ZNRF1: variants seen among roughly 807,000 people sequenced by gnomAD.
ZNRF1 encodes the protein zinc and ring finger 1.
A neutral mutation model predicts 18.4 loss-of-function variants in ZNRF1; 3 were observed. That is an observed-to-expected ratio of 0.16 (90% CI 0.07 to 0.42). The LOEUF is 0.42. ZNRF1 is among the 10% of genes least tolerant of loss of function. The pLI, the probability that ZNRF1 is intolerant of heterozygous loss-of-function variation, is 0.99. For missense variants in ZNRF1, 310 were observed against 329.8 expected (o/e 0.94, Z 0.47); for synonymous variants, 157 against 144.2 (o/e 1.09, Z -0.64).
chr16:75,028,035 A>T (rs2035250060), intron 1 of ZNRF1, among the ~76,000 whole-genome samples: 1 of 152,092 alleles, frequency 6.6e-6, no homozygotes, highest in Admixed American at 6.6e-5. Flanking sequence ...CTTTCCTGTA[A>T]CTAGGTATGA....
intron 1 of ZNRF1, among the ~76,000 whole-genome samples, chr16:75,060,959 G>A (rs982161798): frequency 6.6e-6 from 1 of 151,966 alleles, no homozygotes; most frequent in Admixed American, 6.6e-5. Flanking sequence ...TCCCCTTCAG[G>A]GGACACTAAC....
chr16:75,106,657 C>A, intron 4 of ZNRF1, 86 bp downstream of exon 4: 2 of 1,029,476 alleles, frequency 1.9e-6, no homozygotes, highest in South Asian at 1.3e-5. Context: ...CCGGGCTGCC[C>A]TTATGCCACT....
chr16:75,104,833 G>A lies in ZNRF1; in HGVS notation c.570G>A (p.Glu190=). The A allele has an allele frequency of 6.2e-7, 1 of 1,611,242 alleles. No individual in the cohort carries two copies. Among genetic ancestry groups the A allele is most frequent in the East Asian group, 2.2e-5 (1 of 44,836 alleles). ...GTGAGTGTGTGATCTGCCTGGAGGA[G>A]CTGCTGCAGGGGGACACGATAGCCA... The part of the protein sequence containing the change: ...DAGECVICLE[E]LLQGDTIARL... Residue 190 remains glutamate (E), a synonymous_variant, in exon 3 of 5, where the codon GAG becomes GAA. Transcript: ENST00000335325.
chr16:75,054,439 A>G (rs542495741), intron 1 of ZNRF1, among the ~76,000 whole-genome samples: 2 of 152,326 alleles, frequency 1.3e-5, no homozygotes, highest in South Asian at 4.1e-4. Context: ...CTCAAGGGAC[A>G]AGCCAGGCAC....
At chr16:75,094,149 C>T (rs976670645) in intron 2 of ZNRF1, among the ~76,000 whole-genome samples, 3 of 152,132 alleles carry the variant, frequency 2.0e-5, no homozygotes, top group Non-Finnish European at 2.9e-5. Context: ...CGTTCGAACT[C>T]GGACGAACAC....
intron 1 of ZNRF1, among the ~76,000 whole-genome samples, chr16:75,049,587 C>T (rs746636471): frequency 1.2e-4 from 18 of 152,040 alleles, no homozygotes; most frequent in African/African-American, 3.9e-4. Flanking sequence ...ACTTGAGCTC[C>T]GGAGTTAGAG....
At chr16:75,059,180 TTTTTC>T (rs147345228) in intron 1 of ZNRF1, among the ~76,000 whole-genome samples, 5,970 of 151,232 alleles carry the variant, frequency 0.039, 162 homozygotes, top group Non-Finnish European at 0.048. Context: ...TGGATTTTCT[TTTTTC>T]TTTTCTTTTC....
intron 1 of ZNRF1, among the ~76,000 whole-genome samples, chr16:75,027,006 GA>G (rs1464127081): frequency 7.2e-5 from 11 of 152,122 alleles, no homozygotes; most frequent in African/African-American, 2.7e-4. Flanking sequence ...TTCAATTATT[GA>G]ATCCTCACCC....
At chr16:75,101,231 G>T (rs189070232) in intron 2 of ZNRF1, among the ~76,000 whole-genome samples, 49 of 152,358 alleles carry the variant, frequency 3.2e-4, no homozygotes, top group Non-Finnish European at 1.5e-5. Flanking sequence ...ACTGCACCCA[G>T]TGTACGGCAA....
chr16:75,002,886 A>G (rs1015631483), intron 1 of ZNRF1, among the ~76,000 whole-genome samples: 1 of 152,162 alleles, frequency 6.6e-6, no homozygotes, highest in Non-Finnish European at 1.5e-5. Context: ...CTGATCCCTT[A>G]GGGCTTAGAG....
chr16:75,006,456 G>C (rs2034918546), intron 1 of ZNRF1, among the ~76,000 whole-genome samples: 1 of 152,054 alleles, frequency 6.6e-6, no homozygotes, highest in Non-Finnish European at 1.5e-5. Context: ...TGTTTATTGA[G>C]ACAGAGTCTC....
At chr16:75,082,988 GT>G (rs1260351415) in intron 1 of ZNRF1, among the ~76,000 whole-genome samples, 2 of 152,196 alleles carry the variant, frequency 1.3e-5, no homozygotes, top group African/African-American at 4.8e-5. Context: ...AAATCGAGAT[GT>G]GCTATATAAT....
chr16:75,009,365 A>G (rs1051735986), intron 1 of ZNRF1, among the ~76,000 whole-genome samples: 3 of 152,198 alleles, frequency 2.0e-5, no homozygotes, highest in Admixed American at 1.3e-4. Flanking sequence ...ACTGCATGTA[A>G]GTGGACTCGT....
chr16:75,005,140 G>T (rs1287716530), intron 1 of ZNRF1, among the ~76,000 whole-genome samples: 1 of 152,170 alleles, frequency 6.6e-6, no homozygotes, highest in Non-Finnish European at 1.5e-5. Flanking sequence ...AAAGCATTCT[G>T]TGGTCTCCAA....
At chr16:75,002,034 A>T (rs570242595) in intron 1 of ZNRF1, among the ~76,000 whole-genome samples, 1 of 152,126 alleles carries the variant, frequency 6.6e-6, no homozygotes, top group Non-Finnish European at 1.5e-5. Context: ...ACTGTGTAGG[A>T]CCATCATGTC....
At chr16:75,028,680 C>T (rs1390635399) in intron 1 of ZNRF1, among the ~76,000 whole-genome samples, 1 of 152,230 alleles carries the variant, frequency 6.6e-6, no homozygotes, top group Non-Finnish European at 1.5e-5. Context: ...TCCTTGAATC[C>T]ACTCCACTCA....
chr16:75,015,622 T>G (rs1250319476), intron 1 of ZNRF1, among the ~76,000 whole-genome samples: 4 of 152,126 alleles, frequency 2.6e-5, no homozygotes. Context: ...CTCACTCTGT[T>G]GCCCAGGCTG....
rs1306544577 is a variant in ZNRF1 at position 75,110,225 on chromosome 16, TGTG to T, written c.*2527_*2529del. 4 of 152,444 alleles carry T rather than the reference TGTG, an allele frequency of 2.6e-5. No homozygotes were observed. The highest frequency in any genetic ancestry group is 9.6e-5 in the African/African-American group (4 of 41,472). The allele number at this position is 152,444 out of a possible 1,614,324, so 9.4% of individuals were successfully genotyped here. ...TTGGACCCAGGTTGCCTGCTCTTGT[TGTG>T]GGGGTGGGATTGGGGCTGTCTGTGT... is the stretch of plus-strand genomic sequence containing the variant. On this transcript the variant is annotated 3_prime_UTR_variant, in exon 5 of 5. Transcript: ENST00000335325.
At chr16:75,095,783 G>A in intron 2 of ZNRF1, 2 of 1,474,762 alleles carry the variant, frequency 1.4e-6, no homozygotes, top group South Asian at 1.3e-5. Context: ...CCAGAGAACT[G>A]CCTGGGACGC....
Sources: gnomAD v4.1 joint callset for allele counts (sites outside exome capture counted in the v4.1 genomes callset) on GRCh38, gnomAD v4.1.1 for gene constraint, MANE v1.5 for transcripts, NCBI Gene and HGNC (gene_info 2026-07-23, HGNC 2026-07-21) for gene names.